GRM7: variants seen among roughly 807,000 people sequenced by gnomAD.
GRM7 encodes glutamate metabotropic receptor 7.
GRM7 carries 35 observed loss-of-function variants against 84.5 expected under a neutral mutation model. That is an observed-to-expected ratio of 0.41 (90% confidence interval 0.32 to 0.55). The LOEUF (loss-of-function observed/expected upper bound fraction) is 0.55, where lower values mean the gene tolerates loss of function less well. GRM7 is among the 20% of genes least tolerant of loss of function. The pLI, the probability that GRM7 is intolerant of heterozygous loss-of-function variation, is 0.19. For synonymous variants in GRM7, 487 were observed against 455.1 expected (o/e 1.07, Z -0.89); for missense variants, 1,003 against 1,194.6 (o/e 0.84, Z 2.36).
intron 7 of GRM7, among the ~76,000 whole-genome samples, chr3:7,509,710 G>A (rs1329951320): frequency 6.6e-6 from 1 of 152,126 alleles, no homozygotes; most frequent in African/African-American, 2.4e-5. Context: ...GAAAGCCATG[G>A]TAGAGAAGGC....
At chr3:7,218,629 A>C (rs1393027462) in intron 2 of GRM7, among the ~76,000 whole-genome samples, 1 of 152,002 alleles carries the variant, frequency 6.6e-6, no homozygotes, top group Non-Finnish European at 1.5e-5. Context: ...GCGATAAATC[A>C]TTTTAATGCA....
intron 9 of GRM7, among the ~76,000 whole-genome samples, chr3:7,687,967 G>C (rs991901377): frequency 1.3e-5 from 2 of 152,016 alleles, no homozygotes; most frequent in African/African-American, 4.8e-5. Context: ...CTTTCTCCCA[G>C]TGAATATGTA....
chr3:6,864,065 A>C (rs1315263792), intron 1 of GRM7, among the ~76,000 whole-genome samples: 1 of 152,208 alleles, frequency 6.6e-6, no homozygotes, highest in African/African-American at 2.4e-5. Flanking sequence ...GCTGAGGAGA[A>C]AGTAACCCAA....
At chr3:7,539,683 A>C (rs1488743390) in intron 7 of GRM7, among the ~76,000 whole-genome samples, 3 of 151,680 alleles carry the variant, frequency 2.0e-5, no homozygotes, top group African/African-American at 7.3e-5. Context: ...TCAAAAAAAA[A>C]AAAAAAAAAA....
chr3:7,212,335 CCATT>C lies in GRM7; in HGVS notation c.736+65690_736+65693del, dbSNP rs144947910. ...CTCACTCTCATTTATTTCTTTTTCT[CCATT>C]CATTCATTCATTCATTCATTCAATA... is the stretch of plus-strand genomic sequence containing the variant. On this transcript the variant is annotated intron_variant, in intron 2 of 9. Coordinates refer to ENST00000357716, the MANE Select transcript of GRM7 (RefSeq NM_000844.4). Among the ~76,000 whole-genome samples the C allele has an allele frequency of 3.2e-3, 488 of 151,884 alleles. 1 individual carries two copies. Among genetic ancestry groups the C allele is most frequent in the African/African-American group, 8.2e-3 (340 of 41,406 alleles).
intron 2 of GRM7, among the ~76,000 whole-genome samples, chr3:7,237,703 T>C (rs2013646): frequency 0.9 from 136,495 of 151,850 alleles, 61,601 homozygotes; most frequent in East Asian, 0.98. Flanking sequence ...TTGTGAAGAG[T>C]GAAAGAACAA....
chr3:6,898,264 C>A (rs1233912046), intron 1 of GRM7, among the ~76,000 whole-genome samples: 1 of 152,082 alleles, frequency 6.6e-6, no homozygotes, highest in Non-Finnish European at 1.5e-5. Context: ...ACCCAGAAAG[C>A]TTCAGGGTAG....
chr3:7,474,769 AC>A (rs2124928593), intron 7 of GRM7, among the ~76,000 whole-genome samples: 1 of 151,278 alleles, frequency 6.6e-6, no homozygotes, highest in South Asian at 2.1e-4. Flanking sequence ...TATTCTAGGG[AC>A]ATGAGTAGGG....
chr3:7,563,254 C>T (rs1218600840), intron 7 of GRM7, among the ~76,000 whole-genome samples: 10 of 152,090 alleles, frequency 6.6e-5, no homozygotes, highest in Admixed American at 6.6e-4. Flanking sequence ...TAGTCAGATA[C>T]AGAAGGCTCA....
At position 7,547,761 on chromosome 3, in the gene GRM7, A is replaced by G. The variant is rs1364252533; in HGVS notation, c.1516-30661A>G. Among the ~76,000 whole-genome samples, 5 of 152,202 alleles carry G rather than the reference A, an allele frequency of 3.3e-5. No individual in the cohort carries two copies. The South Asian group carries it at 1.0e-3, about 31-fold the overall frequency. On this transcript the variant is annotated intron_variant, in intron 7 of 9. Transcript: ENST00000357716. ...TGACTCTCCCATGTACAAAAGGAAA[A>G]AATAGCCAAGCAAAATAACGAAAGC...
intron 8 of GRM7, among the ~76,000 whole-genome samples, chr3:7,595,455 G>A (rs1331410488): frequency 6.6e-6 from 1 of 152,120 alleles, no homozygotes; most frequent in African/African-American, 2.4e-5. Context: ...TACATTATGG[G>A]ATAAAGTAAA....
intron 4 of GRM7, among the ~76,000 whole-genome samples, chr3:7,410,373 C>G (rs899624932): frequency 1.3e-5 from 2 of 152,100 alleles, no homozygotes; most frequent in East Asian, 3.9e-4. Flanking sequence ...GGGTTTGAGA[C>G]TAGCCTGTGA....
intron 1 of GRM7, among the ~76,000 whole-genome samples, chr3:6,965,323 T>A (rs1002900484): frequency 3.3e-5 from 5 of 152,106 alleles, no homozygotes; most frequent in Non-Finnish European, 7.3e-5. Flanking sequence ...TTATTTTTTA[T>A]TTTTATTTTT....
At chr3:7,033,349 A>G (rs887249434) in intron 1 of GRM7, among the ~76,000 whole-genome samples, 2 of 152,148 alleles carry the variant, frequency 1.3e-5, no homozygotes, top group Admixed American at 1.3e-4. Context: ...GGATTATGCT[A>G]TTCAACTCAC....
chr3:7,092,604 G>A (rs1017402453), intron 1 of GRM7, among the ~76,000 whole-genome samples: 5 of 149,890 alleles, frequency 3.3e-5, no homozygotes, highest in African/African-American at 7.3e-5. Context: ...TTGAATTGGG[G>A]GGGGGGCAAT....
At chr3:7,416,504 C>T (rs904885409) in intron 5 of GRM7, among the ~76,000 whole-genome samples, 7 of 152,132 alleles carry the variant, frequency 4.6e-5, no homozygotes, top group Non-Finnish European at 8.8e-5. Flanking sequence ...CAACCATCAT[C>T]TGTTAATCAG....
At chr3:7,309,995 C>G (rs939385429) in intron 4 of GRM7, among the ~76,000 whole-genome samples, 2 of 152,108 alleles carry the variant, frequency 1.3e-5, no homozygotes, top group African/African-American at 2.4e-5. Context: ...ATGTGTTGCC[C>G]CATTAACTAG....
intron 7 of GRM7, among the ~76,000 whole-genome samples, chr3:7,555,037 G>A (rs1327114149): frequency 6.6e-6 from 1 of 152,150 alleles, no homozygotes; most frequent in Non-Finnish European, 1.5e-5. Context: ...GACAGCCAGG[G>A]TCTCCTCCTG....
At chr3:7,616,686 TA>T (rs1559441876) in intron 8 of GRM7, among the ~76,000 whole-genome samples, 1 of 152,144 alleles carries the variant, frequency 6.6e-6, no homozygotes, top group African/African-American at 2.4e-5. Flanking sequence ...ATAAACTTCT[TA>T]AAAAGTAGGT....
Sources: gnomAD v4.1 joint callset for allele counts (sites outside exome capture counted in the v4.1 genomes callset) on GRCh38, gnomAD v4.1.1 for gene constraint, MANE v1.5 for transcripts, NCBI Gene and HGNC (gene_info 2026-07-23, HGNC 2026-07-21) for gene names.